NRK: variants seen among roughly 807,000 people sequenced by gnomAD.
The protein encoded by NRK is nik-related protein kinase.
Under a neutral mutation model 125.2 loss-of-function variants are expected in NRK, and 67 were observed. That is an observed-to-expected ratio of 0.54 (90% CI 0.44 to 0.66). NRK has a LOEUF of 0.66. Ranked by LOEUF, NRK falls within the 30% of genes least tolerant of loss-of-function variation. The probability of loss-of-function intolerance (pLI) is 0.00; values close to 1 mark genes in which losing one functional copy is unlikely to be tolerated. For missense variants in NRK, 1,224 were observed against 1,192.9 expected, an observed-to-expected ratio of 1.03 and a Z score of -0.38; for synonymous variants, 458 against 429.0, an observed-to-expected ratio of 1.07 and a Z score of -0.84.
intron 2 of NRK, among the ~76,000 whole-genome samples, chrX:105,832,253 A>G (rs2039203442): frequency 9.0e-6 from 1 of 111,530 alleles, no homozygotes; most frequent in Non-Finnish European, 1.9e-5. Context: ...TGATATCAGA[A>G]GGATAAATAT....
At chrX:105,842,916 A>T (rs1249171545) in intron 2 of NRK, among the ~76,000 whole-genome samples, 3 of 112,077 alleles carry the variant, frequency 2.7e-5, no homozygotes, top group Non-Finnish European at 5.6e-5. Context: ...AACCTCTACA[A>T]GAATTTTGCA....
intron 5 of NRK, among the ~76,000 whole-genome samples, chrX:105,891,768 C>G (rs1203645533): frequency 9.0e-6 from 1 of 111,717 alleles, no homozygotes; most frequent in African/African-American, 3.3e-5. Flanking sequence ...CTGATCACCA[C>G]ACTTTGAGAA....
At chrX:105,846,503 A>G (rs906648098) in intron 2 of NRK, among the ~76,000 whole-genome samples, 9 of 111,408 alleles carry the variant, frequency 8.1e-5, no homozygotes, top group Admixed American at 6.7e-4. Context: ...ATGTTCTTCG[A>G]GGATAAATAA....
Position 105,921,988 on chromosome X carries a change from C to T in NRK, c.2537C>T (p.Pro846Leu). 8.5e-7 allele frequency: 1 copy of T among 1,170,147 alleles called. No individual in the cohort carries two copies. Among genetic ancestry groups the T allele is most frequent in the Middle Eastern group, 2.4e-4 (1 of 4,229 alleles). The stretch of plus-strand genomic sequence containing the variant: ...GAATCTTCTTCTGAGGAAGAAAGTC[C>T]TGTGACTGGAAGGAGGTCTCAGTCA... ...ASESSSEEES[P>L]VTGRRSQSSP... Residue 846 changes from proline (P) to leucine (L), a missense_variant, in exon 17 of 29, where the codon CCT becomes CTT. Pro to Leu is a moderately conservative substitution (Grantham distance 98). Transcript: ENST00000243300.
chrX:105,824,317 C>T (rs974452750), intron 1 of NRK, among the ~76,000 whole-genome samples: 1 of 111,117 alleles, frequency 9.0e-6, no homozygotes, highest in African/African-American at 3.3e-5. Context: ...ATGGAGGCCT[C>T]AATTGGTGGT....
At chrX:105,862,666 A>G (rs1461153177) in intron 2 of NRK, among the ~76,000 whole-genome samples, 1 of 112,182 alleles carries the variant, frequency 8.9e-6, no homozygotes, top group South Asian at 3.7e-4. Flanking sequence ...TTGATGTACA[A>G]ACTATATAGA....
At position 105,909,554 on chromosome X, in the gene NRK, C is replaced by G. The variant is rs745665794; in HGVS notation, c.1913C>G (p.Ala638Gly). The G allele has an allele frequency of 3.3e-6, 4 of 1,208,051 alleles. No individual in the cohort carries two copies. Among genetic ancestry groups the G allele is most frequent in the Non-Finnish European group, 4.5e-6 (4 of 893,017 alleles). Residue 638 changes from alanine (A) to glycine (G), a missense_variant, in exon 13 of 29, where the codon GCA becomes GGA. By Grantham distance (60) the Ala-to-Gly change is moderately conservative. Coordinates refer to ENST00000243300, the MANE Select transcript of NRK (RefSeq NM_198465.4). ...CCACAGGCAATTGGCTCAGTTCAAGCACTGATAGAGGGACTATCAAGAGAC... is the reference window on the plus strand; with the variant it reads ...CCACAGGCAATTGGCTCAGTTCAAGGACTGATAGAGGGACTATCAAGAGAC... ...EPPQAIGSVQ[A>G]LIEGLSRDLL...
intron 2 of NRK, among the ~76,000 whole-genome samples, chrX:105,879,239 T>A (rs1045872122): frequency 3.6e-5 from 4 of 110,910 alleles, no homozygotes; most frequent in Non-Finnish European, 7.6e-5. Context: ...AAAGACCCTG[T>A]TTCCAAATAA....
At chrX:105,946,540 A>C in intron 26 of NRK, 76 bp downstream of exon 26, 2 of 753,192 alleles carry the variant, frequency 2.7e-6, no homozygotes, top group Non-Finnish European at 2.0e-6. Context: ...AAAACTCTGA[A>C]AGGTTTAAAA....
chrX:105,823,803 C>A, intron 1 of NRK, among the ~76,000 whole-genome samples: 1 of 111,923 alleles, frequency 8.9e-6, no homozygotes, highest in Non-Finnish European at 1.9e-5. Context: ...TTCACTCGCA[C>A]CCTGTCTTGA....
At chrX:105,827,126 T>C (rs1048032728) in intron 1 of NRK, among the ~76,000 whole-genome samples, 1 of 111,941 alleles carries the variant, frequency 8.9e-6, no homozygotes, top group African/African-American at 3.2e-5. Context: ...AGATTTCCCC[T>C]TTAATGCCAC....
Position 105,831,043 on chromosome X carries a change from CT to C in NRK, c.58-5del. 1 of 1,109,027 alleles carries C rather than the reference CT, an allele frequency of 9.0e-7. No homozygotes were observed. Among genetic ancestry groups the C allele is most frequent in the Non-Finnish European group, 1.2e-6 (1 of 810,107 alleles). The allele number at this position is 1,109,027 out of a possible 1,213,427, so 91.4% of individuals were successfully genotyped here. A position where few individuals can be genotyped will look rare whatever the true frequency, so the allele number is the denominator to read the frequency against. ...AAGAAGATTAACAATTTTTATTTTA[CT>C]TTTTTGCAGGATCCAACTGGAATAT... is the stretch of plus-strand genomic sequence containing the variant. On this transcript the variant is annotated splice_polypyrimidine_tract_variant and intron_variant, in intron 1 of 28. Transcript: ENST00000243300.
At chrX:105,888,440 T>C in intron 5 of NRK, 21 bp downstream of exon 5, 1 of 1,145,464 alleles carries the variant, frequency 8.7e-7, no homozygotes, top group Non-Finnish European at 1.2e-6. Flanking sequence ...AATTACACTG[T>C]TCTTATTCTA....
intron 28 of NRK, among the ~76,000 whole-genome samples, chrX:105,954,650 A>G (rs1159698426): frequency 9.0e-6 from 1 of 111,192 alleles, no homozygotes. Context: ...AGTGTATCTT[A>G]TCATCATCAT....
Position 105,880,206 on chromosome X carries a change from A to G in NRK, c.131A>G (p.His44Arg). ...GTYGRIYLGL[H>R]EKTGAFTAVK... ...CACTATCCTGTATTTCAGGGACTTC[A>G]TGAGAAGACTGGTGCATTTACAGCT... The change falls in exon 3 of 29, where the codon CAT becomes CGT. Residue 44 changes from histidine (H) to arginine (R), a missense_variant. Coordinates refer to ENST00000243300, the MANE Select transcript of NRK (RefSeq NM_198465.4). 1 of 1,071,244 alleles carries G rather than the reference A, an allele frequency of 9.3e-7. No homozygotes were observed. The highest frequency in any genetic ancestry group is 1.3e-6 in the Non-Finnish European group (1 of 798,261). The allele number at this position is 1,071,244 out of a possible 1,213,427, so 88.3% of individuals were successfully genotyped here.
In NRK at chrX:105,956,379, C is replaced by T. The variant is rs909060239; in HGVS notation, c.*779C>T. 8 of 111,226 alleles carry T rather than the reference C, an allele frequency of 7.2e-5. No homozygotes were observed. Among genetic ancestry groups the T allele is most frequent in the Non-Finnish European group, 1.3e-4 (7 of 52,682 alleles). The allele number at this position is 111,226 out of a possible 1,213,427, so 9.2% of individuals were successfully genotyped here. A position where few individuals can be genotyped will look rare whatever the true frequency, so the allele number is the denominator to read the frequency against. ...AGGACTGAACTCCTATACACGTGTACTGTAGAATGAGTATTTTTTAATACC... is the reference window on the plus strand; with the variant it reads ...AGGACTGAACTCCTATACACGTGTATTGTAGAATGAGTATTTTTTAATACC... On this transcript the variant is annotated 3_prime_UTR_variant, in exon 29 of 29. Coordinates refer to ENST00000243300, the MANE Select transcript of NRK (RefSeq NM_198465.4).
chrX:105,850,563 A>G (rs914510823), intron 2 of NRK, among the ~76,000 whole-genome samples: 8 of 112,403 alleles, frequency 7.1e-5, no homozygotes, highest in African/African-American at 2.6e-4. Flanking sequence ...CCCTTTTAAA[A>G]TGGAATGTTT....
At chrX:105,847,942 A>T (rs1412592095) in intron 2 of NRK, among the ~76,000 whole-genome samples, 1 of 112,297 alleles carries the variant, frequency 8.9e-6, no homozygotes, top group East Asian at 2.8e-4. Context: ...AAAACACATT[A>T]TGCAATGTAT....
At chrX:105,863,321 G>GACACACACAC (rs769445045) in intron 2 of NRK, among the ~76,000 whole-genome samples, 653 of 60,428 alleles carry the variant, frequency 0.011, 7 homozygotes, top group African/African-American at 0.042. Flanking sequence ...AATAGTAACA[G>GACACACACAC]ACACACACAC....
Sources: gnomAD v4.1 joint callset for allele counts (sites outside exome capture counted in the v4.1 genomes callset) on GRCh38, gnomAD v4.1.1 for gene constraint, MANE v1.5 for transcripts, NCBI Gene and HGNC (gene_info 2026-07-23, HGNC 2026-07-21) for gene names.